KCNQ1: variants seen among roughly 807,000 people sequenced by gnomAD.
KCNQ1 encodes potassium voltage-gated channel subfamily KQT member 1.
Under a neutral mutation model 72.4 loss-of-function variants are expected in KCNQ1, and 49 were observed. That is an observed-to-expected ratio of 0.68 (90% CI 0.54 to 0.86). The LOEUF is 0.86. KCNQ1 is among the 40% of genes least tolerant of loss of function. KCNQ1 has a pLI of 0.00. For missense variants in KCNQ1, 790 were observed against 945.1 expected, an observed-to-expected ratio of 0.84 and a Z score of 2.15; for synonymous variants, 450 against 412.6, an observed-to-expected ratio of 1.09 and a Z score of -1.10.
Position 2,746,350 on chromosome 11 carries a change from AAC to A in KCNQ1, c.1515-22492_1515-22491del, listed in dbSNP as rs1458967808. Among the ~76,000 whole-genome samples the A allele has an allele frequency of 6.6e-6, 1 of 152,246 alleles. No individual in the cohort carries two copies. Among genetic ancestry groups the A allele is most frequent in the African/African-American group, 2.4e-5 (1 of 41,460 alleles). On this transcript the variant is annotated intron_variant, in intron 11 of 15. Coordinates refer to ENST00000155840, the MANE Select transcript of KCNQ1 (RefSeq NM_000218.3). This position sits in a 1 kb window ranked among gnomAD's most constrained non-coding sequence, Gnocchi z 5.9. ...TAGTATGCATTTGTCACAAGGAAAC[AAC>A]AGTGCTACATGACTGTTAACTGAGT... is the stretch of plus-strand genomic sequence containing the variant.
chr11:2,505,432 G>A (rs1847087139), intron 1 of KCNQ1, among the ~76,000 whole-genome samples: 1 of 152,292 alleles, frequency 6.6e-6, no homozygotes, highest in South Asian at 2.1e-4. Flanking sequence ...CACTTGGGAT[G>A]CACATGCATG....
intron 6 of KCNQ1, among the ~76,000 whole-genome samples, chr11:2,575,742 C>T (rs1848414047): frequency 6.6e-6 from 1 of 152,186 alleles, no homozygotes; most frequent in Non-Finnish European, 1.5e-5. Context: ...CCATTCTGAT[C>T]ATCATGCTGC....
chr11:2,654,081 T>C lies in KCNQ1; in HGVS notation c.1394-7880T>C. On this transcript the variant is annotated intron_variant, in intron 10 of 15. Coordinates refer to ENST00000155840, the MANE Select transcript of KCNQ1 (RefSeq NM_000218.3). This position sits in a 1 kb window ranked among gnomAD's most constrained non-coding sequence, Gnocchi z 6.4. Reference sequence around the variant, plus strand: ...GAATGGCTTTTACACTTTCCATCCATGTCCCTTACTTCTCGCCTCTGAGTG... The same window carrying C: ...GAATGGCTTTTACACTTTCCATCCACGTCCCTTACTTCTCGCCTCTGAGTG... 2 of 398,786 alleles carry C rather than the reference T, an allele frequency of 5.0e-6. No individual in the cohort carries two copies. The highest frequency in any genetic ancestry group is 8.8e-6 in the Non-Finnish European group (2 of 226,134). 24.7% of individuals were successfully genotyped at this position (398,786 alleles called of 1,614,324 possible).
chr11:2,791,565 T>A (rs1847022766), intron 15 of KCNQ1, among the ~76,000 whole-genome samples: 1 of 150,130 alleles, frequency 6.7e-6, no homozygotes, highest in Admixed American at 6.6e-5. Context: ...GACCTGGCCG[T>A]GCCGGCTGGG....
chr11:2,630,831 G>A, intron 10 of KCNQ1: 1 of 398,480 alleles, frequency 2.5e-6, no homozygotes, highest in African/African-American at 2.1e-5. Context: ...TTTCATATCT[G>A]AAGGACAGCT....
At chr11:2,798,989 C>T (rs1847203498) in intron 15 of KCNQ1, among the ~76,000 whole-genome samples, 1 of 152,156 alleles carries the variant, frequency 6.6e-6, no homozygotes, top group African/African-American at 2.4e-5. Context: ...AGGAAGGGGA[C>T]ATTAGACAAG....
Position 2,445,220 on chromosome 11 carries a change from C to G in KCNQ1, c.122C>G (p.Ala41Gly). The G allele has an allele frequency of 1.8e-6, 2 of 1,133,932 alleles. No individual in the cohort carries two copies. The highest frequency in any genetic ancestry group is 2.2e-6 in the Non-Finnish European group (2 of 922,630). The allele number at this position is 1,133,932 out of a possible 1,614,324, so 70.2% of individuals were successfully genotyped here. A position where few individuals can be genotyped will look rare whatever the true frequency, so the allele number is the denominator to read the frequency against. Residue 41 changes from alanine to glycine, a missense_variant, in exon 1 of 16, where the codon GCG becomes GGG. Physicochemically the swap from Ala to Gly is moderately conservative, Grantham distance 60. Coordinates refer to ENST00000155840, the MANE Select transcript of KCNQ1 (RefSeq NM_000218.3). The stretch of plus-strand genomic sequence containing the variant: ...AAGTGCCCCTTCTCGCTGGAGCTGG[C>G]GGAGGGCGGCCCGGCGGGCGGCGCG... ...AKKCPFSLEL[A>G]EGGPAGGALY...
intron 1 of KCNQ1, among the ~76,000 whole-genome samples, chr11:2,522,277 G>C (rs1224374448): frequency 6.6e-6 from 1 of 152,148 alleles, no homozygotes; most frequent in African/African-American, 2.4e-5. Flanking sequence ...AGCTGGGGGG[G>C]GGTCGGTGTC....
intron 1 of KCNQ1, among the ~76,000 whole-genome samples, chr11:2,476,481 T>C (rs1846570192): frequency 6.6e-6 from 1 of 152,070 alleles, no homozygotes; most frequent in South Asian, 2.1e-4. Context: ...AGTTAAAAAG[T>C]TCACAGTAAG....
intron 11 of KCNQ1, among the ~76,000 whole-genome samples, chr11:2,747,124 T>G (rs1386032179): frequency 1.3e-5 from 2 of 152,286 alleles, no homozygotes; most frequent in East Asian, 3.9e-4. Context: ...ATGGTGGAAA[T>G]GCAAATCTAA....
intron 15 of KCNQ1, among the ~76,000 whole-genome samples, chr11:2,843,710 C>T (rs750356737): frequency 3.3e-5 from 5 of 152,242 alleles, no homozygotes; most frequent in Non-Finnish European, 7.3e-5. Flanking sequence ...CTTTTGAAAA[C>T]AAATTCATAA....
chr11:2,655,545 G>T (rs1849830846), intron 10 of KCNQ1: 1 of 398,744 alleles, frequency 2.5e-6, no homozygotes. Context: ...CTCTGCAGCT[G>T]TGAGTTCAGG....
Position 2,620,973 on chromosome 11 carries a change from T to TTTTG in KCNQ1, c.1393+32135_1393+32138dup, listed in dbSNP as rs919792946. ...GTTTTTTTTTGTCTGTTTTTTGCTT[T>TTTTG]TTTGTTTGTTTGTTTGTTTTTTGAG... On this transcript the variant is annotated intron_variant, in intron 10 of 15. Coordinates refer to ENST00000155840, the MANE Select transcript of KCNQ1 (RefSeq NM_000218.3). This position sits in a 1 kb window ranked among gnomAD's most constrained non-coding sequence, Gnocchi z 4.5. 1.3e-5 allele frequency: 5 copies of TTTTG among 395,344 alleles called. No homozygotes were observed. Among genetic ancestry groups the TTTTG allele is most frequent in the South Asian group, 2.6e-4 (2 of 7,586 alleles). The allele number at this position is 395,344 out of a possible 1,614,324, so 24.5% of individuals were successfully genotyped here.
chr11:2,573,428 G>A (rs1011424081), intron 6 of KCNQ1, among the ~76,000 whole-genome samples: 1 of 152,196 alleles, frequency 6.6e-6, no homozygotes, highest in Non-Finnish European at 1.5e-5. Context: ...GGCCCTGTAA[G>A]TGCCCCTGTC....
rs944253919 is a variant in KCNQ1, at chr11:2,565,094, T to G, written c.478-5534T>G. ...AAGAGACCGGGGACAGACTCCAAAG[T>G]GGAATTGCTGGGTCATACAGTAATT... On this transcript the variant is annotated intron_variant, in intron 2 of 15. Transcript: ENST00000155840. The surrounding 1 kb of genome is among the most constrained non-coding windows in gnomAD (Gnocchi z 5.6). Among the ~76,000 whole-genome samples, 1 of 152,224 alleles carries G rather than the reference T, an allele frequency of 6.6e-6. No homozygotes were observed. The highest frequency in any genetic ancestry group is 1.5e-5 in the Non-Finnish European group (1 of 68,038).
intron 15 of KCNQ1, among the ~76,000 whole-genome samples, chr11:2,832,865 G>A (rs1265762908): frequency 6.6e-6 from 1 of 152,134 alleles, no homozygotes. Flanking sequence ...TGGTCCACAG[G>A]GCCTGGCCAG....
intron 11 of KCNQ1, chr11:2,667,574 AGGGGGTCGGGGCGGGGTTGGGCG>A (rs1850101517): frequency 6.4e-5 from 1 of 15,614 alleles, no homozygotes; most frequent in Non-Finnish European, 1.3e-4. Flanking sequence ...CAGTTGGGGC[AGGGGGTCGGGGCGGGGTTGGGCG>A]GGGGGCACAT....
chr11:2,643,184 T>C (rs1417786656), intron 10 of KCNQ1: 1 of 398,244 alleles, frequency 2.5e-6, no homozygotes, highest in African/African-American at 2.1e-5. Context: ...CCATTTGGTA[T>C]AAAGTGCAGT....
rs1458637195 is a variant in KCNQ1, at chr11:2,817,775, G to A, written c.1795-29992G>A. On this transcript the variant is annotated intron_variant, in intron 15 of 15. Coordinates refer to ENST00000155840, the MANE Select transcript of KCNQ1 (RefSeq NM_000218.3). This position sits in a 1 kb window ranked among gnomAD's most constrained non-coding sequence, Gnocchi z 6.1. ...GCAAAGGTGATACATTAGACTCAAAGAGACATGATATCCCCTTGGGCTGCA... is the reference window on the plus strand; with the variant it reads ...GCAAAGGTGATACATTAGACTCAAAAAGACATGATATCCCCTTGGGCTGCA... Among the ~76,000 whole-genome samples, 1 of 152,086 alleles carries A rather than the reference G, an allele frequency of 6.6e-6. No individual in the cohort carries two copies. Among genetic ancestry groups the A allele is most frequent in the Non-Finnish European group, 1.5e-5 (1 of 68,016 alleles).
Sources: allele counts gnomAD v4.1 joint callset (sites outside exome capture counted in the v4.1 genomes callset), GRCh38; gene constraint gnomAD v4.1.1; non-coding constraint Gnocchi (gnomAD v3.1); transcripts MANE v1.5; gene names NCBI Gene and HGNC (gene_info 2026-07-23, HGNC 2026-07-21).